RNF214: variants seen among roughly 807,000 people sequenced by gnomAD.
The protein encoded by RNF214 is ring finger protein 214.
Under a neutral mutation model 75.9 loss-of-function variants are expected in RNF214, and 25 were observed. The observed-to-expected ratio is 0.33, with a 90% confidence interval of 0.24 to 0.46. The LOEUF (loss-of-function observed/expected upper bound fraction) is 0.46. Ranked by LOEUF, RNF214 falls within the 20% of genes least tolerant of loss-of-function variation. RNF214 has a pLI of 1.00. For synonymous variants in RNF214, 314 were observed against 308.8 expected (o/e 1.02, Z -0.18); for missense variants, 725 against 857.5 (o/e 0.85, Z 1.93).
At position 117,258,248 on chromosome 11, in the gene RNF214, T is replaced by C. The variant is rs567288085; in HGVS notation, c.959+11300T>C. Among the ~76,000 whole-genome samples, 430 of 152,198 alleles carry C rather than the reference T, an allele frequency of 2.8e-3. 1 individual carries two copies. The highest frequency in any genetic ancestry group is 9.6e-3 in the African/African-American group (398 of 41,536). On this transcript the variant is annotated intron_variant, in intron 6 of 14. Coordinates refer to ENST00000300650, the MANE Select transcript of RNF214 (RefSeq NM_207343.4). ...CACACCCAGCTGATTTTTGTATTTT[T>C]AGTAGAAATGGGGTTTCACCATGTT...
In RNF214 at chr11:117,244,449, A is replaced by G; in HGVS notation, c.683A>G (p.Lys228Arg). Reference protein sequence around the residue: ...TDQDIEKNLDKMMTERTLLKE... With the variant: ...TDQDIEKNLDRMMTERTLLKE... The stretch of plus-strand genomic sequence containing the variant: ...TTCTTGTCTTGTTCATAATAGGATA[A>G]AATGATGACAGAGAGAACCCTGTTG... Residue 228 changes from lysine to arginine, a missense_variant, in exon 5 of 15, where the codon AAA (lysine) becomes AGA (arginine). Physicochemically the swap from Lys to Arg is conservative, Grantham distance 26. Coordinates refer to ENST00000300650, the MANE Select transcript of RNF214 (RefSeq NM_207343.4). 6.2e-7 allele frequency: 1 copy of G among 1,608,186 alleles called. No individual in the cohort carries two copies.
intron 6 of RNF214, among the ~76,000 whole-genome samples, chr11:117,259,148 G>C (rs559070165): frequency 6.4e-4 from 98 of 152,230 alleles, no homozygotes; most frequent in African/African-American, 2.3e-3. Flanking sequence ...GTAGAGACAG[G>C]GTTTTGCCAT....
chr11:117,235,931 A>G (rs554854647), intron 2 of RNF214, among the ~76,000 whole-genome samples: 12 of 152,034 alleles, frequency 7.9e-5, no homozygotes, highest in African/African-American at 2.9e-4. Flanking sequence ...ACCACATTCT[A>G]CATAAAGAGG....
chr11:117,271,943 G>A (rs2033919870), intron 6 of RNF214, among the ~76,000 whole-genome samples: 1 of 152,148 alleles, frequency 6.6e-6, no homozygotes, highest in South Asian at 2.1e-4. Flanking sequence ...CTCCCAAGTA[G>A]CTAGGACTGC....
chr11:117,233,833 G>A (rs1411379180), intron 1 of RNF214, among the ~76,000 whole-genome samples: 2 of 152,178 alleles, frequency 1.3e-5, no homozygotes, highest in African/African-American at 4.8e-5. Context: ...TAAATTAATG[G>A]AGAATGCTTT....
At chr11:117,281,483 G>T (rs2034126053) in intron 9 of RNF214, 79 bp downstream of exon 9, 1 of 1,348,082 alleles carries the variant, frequency 7.4e-7, no homozygotes, top group Non-Finnish European at 1.1e-6. Flanking sequence ...GTAGCCTTTT[G>T]CATTGCCATT....
intron 8 of RNF214, among the ~76,000 whole-genome samples, chr11:117,280,949 T>A (rs567678449): frequency 4.0e-5 from 6 of 151,374 alleles, no homozygotes; most frequent in African/African-American, 1.5e-4. Context: ...GCTACTATTT[T>A]GCTTTTGCTA....
chr11:117,247,315 C>A (rs1268633476), intron 6 of RNF214, among the ~76,000 whole-genome samples: 4 of 151,862 alleles, frequency 2.6e-5, no homozygotes, highest in Admixed American at 1.3e-4. Context: ...CCTAGCAAGA[C>A]CCCCTCTCTA....
rs991704980 is a variant in RNF214, at chr11:117,232,687, C to T, written c.-46C>T. 1.3e-5 allele frequency: 2 copies of T among 150,784 alleles called. No homozygotes were observed. Among genetic ancestry groups the T allele is most frequent in the Admixed American group, 6.6e-5 (1 of 15,180 alleles). The allele number at this position is 150,784 out of a possible 1,614,324, so 9.3% of individuals were successfully genotyped here. On this transcript the variant is annotated 5_prime_UTR_variant, in exon 1 of 15. Transcript: ENST00000300650. ...CGGGCCGGCGCTCGACCCCTCCCCC[C>T]GTGGCTCGGCCGCCCCCTCCCCCCG...
intron 6 of RNF214, among the ~76,000 whole-genome samples, chr11:117,258,019 A>G (rs1368703484): frequency 6.6e-6 from 1 of 152,076 alleles, no homozygotes; most frequent in African/African-American, 2.4e-5. Flanking sequence ...ATTCTACTAC[A>G]GTTGTTTTTG....
rs2034095114 is a variant in RNF214 at position 117,280,017 on chromosome 11, G to A, written c.1056+13G>A. 2 of 1,595,726 alleles carry A rather than the reference G, an allele frequency of 1.3e-6. No homozygotes were observed. The highest frequency in any genetic ancestry group is 1.7e-6 in the Non-Finnish European group (2 of 1,167,124). On this transcript the variant is annotated intron_variant, in intron 7 of 14. Transcript: ENST00000300650. ...CTGGAAGGCAGAGGTGAGAAGAGGA[G>A]CTGATATCTTGAAAGTCTTAGTTTC...
In RNF214 at chr11:117,238,922, G is replaced by C. The variant is rs1408291421; in HGVS notation, c.429G>C (p.Gln143His). The change falls in exon 3 of 15, where the codon CAG (glutamine) becomes CAC (histidine). Residue 143 changes from glutamine (Q) to histidine (H), a missense_variant. Gln to His is a conservative substitution (Grantham distance 24). This residue lies in a region of RNF214 where 362 missense variants were observed against 344.5 expected (regional missense o/e 1.05). Coordinates refer to ENST00000300650, the MANE Select transcript of RNF214 (RefSeq NM_207343.4). ...TTAAGGCAGGGTGCCATACTAAGCA[G>C]CTTGCCTCCAGGAATTGCTCTGAAG... Reference protein sequence around the residue: ...RSLKAGCHTKQLASRNCSEEK... With the variant: ...RSLKAGCHTKHLASRNCSEEK... 2 of 1,614,176 alleles carry C rather than the reference G, an allele frequency of 1.2e-6. No homozygotes were observed. The highest frequency in any genetic ancestry group is 1.7e-5 in the Admixed American group (1 of 60,020).
intron 8 of RNF214, 66 bp from the exon 9 acceptor site, chr11:117,281,248 G>A (rs2034121784): frequency 8.9e-7 from 1 of 1,121,884 alleles, no homozygotes; most frequent in Admixed American, 1.8e-5. Flanking sequence ...TGGGATTACA[G>A]GCGTGAGTCA....
rs1425822807 is a variant in RNF214 at position 117,282,020 on chromosome 11, A to G, written c.1462A>G (p.Ile488Val). 3 of 1,613,444 alleles carry G rather than the reference A, an allele frequency of 1.9e-6. No homozygotes were observed. Among genetic ancestry groups the G allele is most frequent in the East Asian group, 2.2e-5 (1 of 44,830 alleles). The change falls in exon 11 of 15, where the codon ATC becomes GTC. Residue 488 changes from isoleucine (I) to valine (V), a missense_variant. Physicochemically the swap from Ile to Val is conservative, Grantham distance 29 (BLOSUM62 3). Transcript: ENST00000300650. Reference sequence around the variant, plus strand: ...AGATCCCCGCTCCTTGTCTTTCCCAATCCTGAACCCTGCCCTTTCCCAGCC... The same window carrying G: ...AGATCCCCGCTCCTTGTCTTTCCCAGTCCTGAACCCTGCCCTTTCCCAGCC... The part of the protein sequence containing the change: ...SADPRSLSFP[I>V]LNPALSQPSQ...
At chr11:117,278,469 T>C (rs1049725369) in intron 6 of RNF214, among the ~76,000 whole-genome samples, 30 of 152,252 alleles carry the variant, frequency 2.0e-4, no homozygotes, top group Admixed American at 1.8e-3. Context: ...AAATGTAATA[T>C]AAGGAAATTC....
At chr11:117,251,886 T>A (rs890188863) in intron 6 of RNF214, among the ~76,000 whole-genome samples, 1 of 152,252 alleles carries the variant, frequency 6.6e-6, no homozygotes, top group African/African-American at 2.4e-5. Context: ...TTTCATTTTT[T>A]GAGACAGAGT....
chr11:117,257,739 T>G (rs945235826), intron 6 of RNF214, among the ~76,000 whole-genome samples: 1 of 152,150 alleles, frequency 6.6e-6, no homozygotes. Flanking sequence ...GGAAATAGTT[T>G]AGAATAGTAG....
At chr11:117,250,702 G>C (rs1345116533) in intron 6 of RNF214, among the ~76,000 whole-genome samples, 1 of 143,292 alleles carries the variant, frequency 7.0e-6, no homozygotes, top group Non-Finnish European at 1.5e-5. Context: ...GTGGAGGGAA[G>C]GTCAGCAGAT....
intron 6 of RNF214, among the ~76,000 whole-genome samples, chr11:117,259,122 A>G (rs1255712131): frequency 6.6e-6 from 1 of 152,120 alleles, no homozygotes; most frequent in Non-Finnish European, 1.5e-5. Flanking sequence ...ACGCCCAGCT[A>G]ATTTTTGTAT....
Sources: allele counts gnomAD v4.1 joint callset (sites outside exome capture counted in the v4.1 genomes callset), GRCh38; gene constraint gnomAD v4.1.1; regional missense constraint gnomAD v4.1.1; transcripts MANE v1.5; gene names NCBI Gene and HGNC (gene_info 2026-07-23, HGNC 2026-07-21).